The following MTUS2 variants were observed in gnomAD, a reference collection of about 807,000 sequenced individuals.
MTUS2 encodes the protein microtubule-associated tumor suppressor candidate 2.
MTUS2 carries 40 observed loss-of-function variants against 114.1 expected under a neutral mutation model. That is an observed-to-expected ratio of 0.35 (90% CI 0.27 to 0.46). MTUS2 has a LOEUF of 0.46. MTUS2 is among the 20% of genes least tolerant of loss of function. The pLI, the probability that MTUS2 is intolerant of heterozygous loss-of-function variation, is 1.00. For missense variants in MTUS2, 1,679 were observed against 1,705.4 expected (o/e 0.98, Z 0.27); for synonymous variants, 688 against 672.0 (o/e 1.02, Z -0.37).
intron 4 of MTUS2, among the ~76,000 whole-genome samples, chr13:29,053,249 T>G (rs1887984946): frequency 6.6e-6 from 1 of 152,200 alleles, no homozygotes; most frequent in South Asian, 2.1e-4. Flanking sequence ...TTCTTTTGTT[T>G]TCTTCACAGA....
At chr13:29,307,504 G>A in intron 6 of MTUS2, 1 of 1,255,268 alleles carries the variant, frequency 8.0e-7, no homozygotes. Context: ...CTTGTCAGTT[G>A]TGGATCTGAC....
chr13:29,042,124 C>T (rs1047400642), intron 4 of MTUS2, among the ~76,000 whole-genome samples: 8 of 151,956 alleles, frequency 5.3e-5, no homozygotes, highest in African/African-American at 1.7e-4. Flanking sequence ...GCTTTTATTA[C>T]CTTAAAGTAT....
intron 7 of MTUS2, among the ~76,000 whole-genome samples, chr13:29,328,404 G>A (rs1276801803): frequency 6.6e-6 from 1 of 152,210 alleles, no homozygotes; most frequent in Non-Finnish European, 1.5e-5. Context: ...TATGAGGAAG[G>A]CATACATTGG....
At chr13:29,009,726 TA>T (rs1179478589) in intron 2 of MTUS2, among the ~76,000 whole-genome samples, 3 of 144,432 alleles carry the variant, frequency 2.1e-5, no homozygotes, top group African/African-American at 7.7e-5. Flanking sequence ...AAAATCTTTT[TA>T]AAAGGTTTTC....
intron 8 of MTUS2, among the ~76,000 whole-genome samples, chr13:29,401,905 A>G (rs2138498353): frequency 6.6e-6 from 1 of 152,298 alleles, no homozygotes; most frequent in East Asian, 1.9e-4. Context: ...TTAAATTTTA[A>G]TTGCACCGGA....
intron 2 of MTUS2, among the ~76,000 whole-genome samples, chr13:28,891,917 C>T (rs1413746213): frequency 6.7e-6 from 1 of 148,894 alleles, no homozygotes; most frequent in Non-Finnish European, 1.5e-5. Context: ...TATCTCTAGG[C>T]TTTTCCCTTC....
chr13:29,294,208 C>G (rs924384315), intron 6 of MTUS2, among the ~76,000 whole-genome samples: 4 of 152,060 alleles, frequency 2.6e-5, no homozygotes, highest in Non-Finnish European at 4.4e-5. Flanking sequence ...TCCTTCCAGT[C>G]TTTTCTCTAT....
At chr13:29,382,834 A>T (rs927408026) in intron 8 of MTUS2, among the ~76,000 whole-genome samples, 1 of 152,202 alleles carries the variant, frequency 6.6e-6, no homozygotes, top group Non-Finnish European at 1.5e-5. Context: ...TCAGTGTGTG[A>T]TTAATTACCA....
intron 7 of MTUS2, among the ~76,000 whole-genome samples, chr13:29,345,305 T>G (rs1384000217): frequency 6.6e-6 from 1 of 151,996 alleles, no homozygotes; most frequent in East Asian, 1.9e-4. Context: ...ATTGTTACAT[T>G]TGGTCATTTA....
chr13:29,102,756 A>G (rs1890474630), intron 5 of MTUS2, among the ~76,000 whole-genome samples: 2 of 152,230 alleles, frequency 1.3e-5, no homozygotes. Context: ...ACTACTAATC[A>G]TTATACCTAT....
chr13:29,332,760 G>A (rs896622190), intron 7 of MTUS2, among the ~76,000 whole-genome samples: 10 of 149,626 alleles, frequency 6.7e-5, no homozygotes, highest in East Asian at 4.0e-4. Context: ...TCAGCCTCCC[G>A]AGTAGCTGGG....
chr13:29,244,835 A>G (rs919315375), intron 5 of MTUS2, among the ~76,000 whole-genome samples: 3 of 149,158 alleles, frequency 2.0e-5, no homozygotes, highest in Non-Finnish European at 4.5e-5. Flanking sequence ...GGGCGCCTGT[A>G]GTCCCAGCTA....
intron 2 of MTUS2, among the ~76,000 whole-genome samples, chr13:28,964,220 A>G (rs1461999628): frequency 1.3e-5 from 2 of 152,162 alleles, no homozygotes; most frequent in Non-Finnish European, 2.9e-5. Flanking sequence ...GCAGTCTAGT[A>G]AATGGCAATA....
In MTUS2 at chr13:29,380,644, C is replaced by T. The variant is rs1214902182; in HGVS notation, c.3117+21171C>T. ...ATAAAAGACATCAGCTGGCCGGGCG[C>T]GGTGGCTCACGCCTGTAATCCCAGC... On this transcript the variant is annotated intron_variant, in intron 8 of 15. Transcript: ENST00000612955. Among the ~76,000 whole-genome samples, 27 of 18,098 alleles carry T rather than the reference C, an allele frequency of 1.5e-3. 8 individuals are homozygous for T. The highest frequency in any genetic ancestry group is 4.4e-3 in the Admixed American group (4 of 900). 11.9% of individuals were successfully genotyped at this position (18,098 alleles called of 152,430 possible).
At chr13:29,460,212 G>T (rs1879386784) in intron 9 of MTUS2, among the ~76,000 whole-genome samples, 1 of 152,140 alleles carries the variant, frequency 6.6e-6, no homozygotes, top group African/African-American at 2.4e-5. Flanking sequence ...TACAGAAGGG[G>T]GTTGACTTGA....
At chr13:29,363,145 G>A (rs1008834093) in intron 8 of MTUS2, among the ~76,000 whole-genome samples, 1 of 152,118 alleles carries the variant, frequency 6.6e-6, no homozygotes, top group Non-Finnish European at 1.5e-5. Context: ...TGGTGTGATG[G>A]TGCTTTTGCT....
intron 2 of MTUS2, among the ~76,000 whole-genome samples, chr13:29,016,478 T>A (rs1886071505): frequency 6.6e-6 from 1 of 152,144 alleles, no homozygotes. Flanking sequence ...CATAATATTT[T>A]GTTTAAATAT....
chr13:29,140,916 G>A (rs1463105491), intron 5 of MTUS2, among the ~76,000 whole-genome samples: 1 of 152,170 alleles, frequency 6.6e-6, no homozygotes, highest in Admixed American at 6.5e-5. Flanking sequence ...GATTACTGGT[G>A]TACCTGCTGA....
Position 29,375,630 on chromosome 13 carries a change from TATATATATACACAC to T in MTUS2, c.3117+16159_3117+16172del, listed in dbSNP as rs1871654348. Among the ~76,000 whole-genome samples, 5 of 7,208 alleles carry T rather than the reference TATATATATACACAC, an allele frequency of 6.9e-4. 1 individual carries two copies. Among genetic ancestry groups the T allele is most frequent in the Non-Finnish European group, 2.7e-3 (4 of 1,478 alleles). The allele number at this position is 7,208 out of a possible 152,430, so 4.7% of individuals were successfully genotyped here. A position where few individuals can be genotyped will look rare whatever the true frequency, so the allele number is the denominator to read the frequency against. ...ATACGTATATATATATATATATATA[TATATATATACACAC>T]ACCATGAAATACCACTCAGCTATAA... On this transcript the variant is annotated intron_variant, in intron 8 of 15. Transcript: ENST00000612955.
Sources: allele counts gnomAD v4.1 joint callset (sites outside exome capture counted in the v4.1 genomes callset), GRCh38; gene constraint gnomAD v4.1.1; transcripts MANE v1.5; gene names NCBI Gene and HGNC (gene_info 2026-07-23, HGNC 2026-07-21).